GABARAP: variants seen among roughly 807,000 people sequenced by gnomAD.
The protein encoded by GABARAP is gamma-aminobutyric acid receptor-associated protein.
A neutral mutation model predicts 16.7 loss-of-function variants in GABARAP; 5 were observed. The observed-to-expected ratio is 0.30, with a 90% CI of 0.16 to 0.63. GABARAP has a LOEUF of 0.63. Among genes scored for constraint, GABARAP ranks in the 20% least tolerant of loss-of-function variants. The pLI is 0.82. For synonymous variants in GABARAP, 45 were observed against 52.7 expected, an observed-to-expected ratio of 0.85 and a Z score of 0.64; for missense variants, 84 against 146.6, an observed-to-expected ratio of 0.57 and a Z score of 2.21.
rs2071766458 is a variant in GABARAP, at chr17:7,240,695, C to T, written c.*159G>A. On this transcript the variant is annotated 3_prime_UTR_variant, in exon 4 of 4. Coordinates refer to ENST00000302386, the MANE Select transcript of GABARAP (RefSeq NM_007278.2). ...ACAAGATGCCAACTCCACCATTACC[C>T]CTCCTAAGAGAGGCTGGAGAGAAAG... The T allele has an allele frequency of 1.7e-6, 1 of 605,472 alleles. No homozygotes were observed. Among genetic ancestry groups the T allele is most frequent in the East Asian group, 2.7e-5 (1 of 36,430 alleles). The allele number at this position is 605,472 out of a possible 1,614,324, so 37.5% of individuals were successfully genotyped here.
intron 1 of GABARAP, chr17:7,241,974 G>C (rs2071783110): frequency 8.4e-6 from 5 of 595,344 alleles, no homozygotes; most frequent in Non-Finnish European, 1.5e-5. Context: ...TAGCTAGCTG[G>C]GGGGATGACC....
At chr17:7,242,018 C>T (rs1270676247) in intron 1 of GABARAP, 4 of 599,720 alleles carry the variant, frequency 6.7e-6, no homozygotes, top group African/African-American at 3.7e-5. Flanking sequence ...TCTCTAAGGC[C>T]TCAAATGCTA....
rs1186724080 is a variant in GABARAP at position 7,242,186 on chromosome 17, G to T, written c.90+55C>A. ...CGCTGCCTGTCCCGATCCAAGGCCA[G>T]GCTGTGGCGTCAGCGTAAGCGTCCC... On this transcript the variant is annotated intron_variant, in intron 1 of 3. Coordinates refer to ENST00000302386, the MANE Select transcript of GABARAP (RefSeq NM_007278.2). The T allele has an allele frequency of 6.0e-6, 8 of 1,333,254 alleles. No homozygotes were observed. The African/African-American group carries it at 1.0e-4, about 17-fold the overall frequency. 82.6% of individuals were successfully genotyped at this position (1,333,254 alleles called of 1,614,324 possible).
rs184295006 is a variant in GABARAP at position 7,242,067 on chromosome 17, A to G, written c.90+174T>C. 1,099 of 612,512 alleles carry G rather than the reference A, an allele frequency of 1.8e-3. 8 individuals are homozygous for G. In the African/African-American group the frequency reaches 0.019, roughly 10 times the overall value. The allele number at this position is 612,512 out of a possible 1,614,324, so 37.9% of individuals were successfully genotyped here. A position where few individuals can be genotyped will look rare whatever the true frequency, so the allele number is the denominator to read the frequency against. ...CTGTCCACATCCCTCTCAACCCCAC[A>G]TCCACCACTACCCCACTCCTTTCAT... On this transcript the variant is annotated intron_variant, in intron 1 of 3. Transcript: ENST00000302386.
Position 7,240,293 on chromosome 17 carries a change from C to G in GABARAP, c.*561G>C, listed in dbSNP as rs1156551508. ...AAAGCCCAACATGAACAGAATAAACCAAAATATACTTCTATCCCTCCAGCT... is the reference window on the plus strand; with the variant it reads ...AAAGCCCAACATGAACAGAATAAACGAAAATATACTTCTATCCCTCCAGCT... On this transcript the variant is annotated 3_prime_UTR_variant, in exon 4 of 4. Transcript: ENST00000302386. 6.5e-6 allele frequency: 1 copy of G among 152,800 alleles called. No individual in the cohort carries two copies. The highest frequency in any genetic ancestry group is 1.5e-5 in the Non-Finnish European group (1 of 68,284). 9.5% of individuals were successfully genotyped at this position (152,800 alleles called of 1,614,324 possible).
At position 7,240,619 on chromosome 17, in the gene GABARAP, C is replaced by T; in HGVS notation, c.*235G>A. On this transcript the variant is annotated 3_prime_UTR_variant, in exon 4 of 4. Transcript: ENST00000302386. ...AGACTGACAATCAAGAAGTCTACAG[C>T]AGGATGGGAAAGGCGGGCAGAGAAA... 1 of 507,014 alleles carries T rather than the reference C, an allele frequency of 2.0e-6. No homozygotes were observed. Among genetic ancestry groups the T allele is most frequent in the African/African-American group, 2.0e-5 (1 of 51,230 alleles). 31.4% of individuals were successfully genotyped at this position (507,014 alleles called of 1,614,324 possible).
At chr17:7,242,041 C>G (rs2071783873) in intron 1 of GABARAP, 200 bp downstream of exon 1, 1 of 604,260 alleles carries the variant, frequency 1.7e-6, no homozygotes, top group Non-Finnish European at 2.9e-6. Flanking sequence ...GTTTCTCTCT[C>G]CTGTCCACAT....
Position 7,241,644 on chromosome 17 carries a change from T to A in GABARAP, c.126A>T (p.Gly42=). ...IVEKAPKARI[G]DLDKKKYLVP... ...CCAGGTATTTCTTTTTGTCCAGGTC[T>A]CCTATCCGAGCTTTGGGAGCCTTTT... Residue 42 remains glycine (G), a synonymous_variant, in exon 2 of 4, where the codon GGA becomes GGT. Transcript: ENST00000302386. 1 of 1,612,358 alleles carries A rather than the reference T, an allele frequency of 6.2e-7. No homozygotes were observed. The highest frequency in any genetic ancestry group is 2.2e-5 in the East Asian group (1 of 44,882).
chr17:7,241,068 G>A, intron 3 of GABARAP, 149 bp from the exon 4 acceptor site: 1 of 699,016 alleles, frequency 1.4e-6, no homozygotes, highest in Non-Finnish European at 2.6e-6. Context: ...AATCTCTGCA[G>A]TCCTGGGCAA....
rs759362721 is a variant in GABARAP at position 7,241,381 on chromosome 17, G to A, written c.249C>T (p.Val83=). The A allele has an allele frequency of 5.7e-6, 9 of 1,592,846 alleles. No individual in the cohort carries two copies. In the East Asian group the frequency reaches 1.6e-4, roughly 28 times the overall value. The stretch of plus-strand genomic sequence containing the variant: ...CCATTGTGGCACTGGTGGGTGGAAT[G>A]ACATTGTTGACAAAGAAAAACAAGG... ...EDALFFFVNN[V]IPPTSATMGQ... The change falls in exon 3 of 4, where the codon GTC becomes GTT. Residue 83 remains valine, a synonymous_variant. Coordinates refer to ENST00000302386, the MANE Select transcript of GABARAP (RefSeq NM_007278.2).
At position 7,242,374 on chromosome 17, in the gene GABARAP, A is replaced by C; in HGVS notation, c.-44T>G. The C allele has an allele frequency of 2.4e-6, 3 of 1,274,098 alleles. No homozygotes were observed. Among genetic ancestry groups the C allele is most frequent in the Non-Finnish European group, 1.1e-6 (1 of 904,082 alleles). The allele number at this position is 1,274,098 out of a possible 1,614,324, so 78.9% of individuals were successfully genotyped here. A position where few individuals can be genotyped will look rare whatever the true frequency, so the allele number is the denominator to read the frequency against. The stretch of plus-strand genomic sequence containing the variant: ...GGACAGGGCTGGGCTGAGGGAACCC[A>C]GGGGGGCCGGGACGGGGGGCGGCGA... On this transcript the variant is annotated 5_prime_UTR_variant, in exon 1 of 4. Coordinates refer to ENST00000302386, the MANE Select transcript of GABARAP (RefSeq NM_007278.2).
At chr17:7,242,207 G>C in intron 1 of GABARAP, 34 bp downstream of exon 1, 1 of 1,494,980 alleles carries the variant, frequency 6.7e-7, no homozygotes, top group Non-Finnish European at 9.3e-7. Flanking sequence ...CAGCGTAAGC[G>C]TCCCGCGCCC....
At position 7,240,624 on chromosome 17, in the gene GABARAP, T is replaced by C. The variant is rs191932918; in HGVS notation, c.*230A>G. ...GACAATCAAGAAGTCTACAGCAGGATGGGAAAGGCGGGCAGAGAAAGGGGA... is the reference window on the plus strand; with the variant it reads ...GACAATCAAGAAGTCTACAGCAGGACGGGAAAGGCGGGCAGAGAAAGGGGA... On this transcript the variant is annotated 3_prime_UTR_variant, in exon 4 of 4. Transcript: ENST00000302386. The C allele has an allele frequency of 1.4e-3, 724 of 512,088 alleles. 3 individuals carry two copies. Among genetic ancestry groups the C allele is most frequent in the African/African-American group, 0.013 (668 of 51,326 alleles). The allele number at this position is 512,088 out of a possible 1,614,324, so 31.7% of individuals were successfully genotyped here.
intron 1 of GABARAP, chr17:7,242,011 C>CT: frequency 1.7e-6 from 1 of 600,108 alleles, no homozygotes. Context: ...GTCAAACTCT[C>CT]TAAGGCCTCA....
chr17:7,240,669 T>TA lies in GABARAP; in HGVS notation c.*184dup. 1 of 572,658 alleles carries TA rather than the reference T, an allele frequency of 1.7e-6. No homozygotes were observed. Among genetic ancestry groups the TA allele is most frequent in the Non-Finnish European group, 3.1e-6 (1 of 320,336 alleles). The allele number at this position is 572,658 out of a possible 1,614,324, so 35.5% of individuals were successfully genotyped here. ...AGGGGAAGAAAGGAGAAAGGAGAGT[T>TA]ACAAGATGCCAACTCCACCATTACC... On this transcript the variant is annotated 3_prime_UTR_variant, in exon 4 of 4. Transcript: ENST00000302386.
In GABARAP at chr17:7,242,353, AGG is replaced by A; in HGVS notation, c.-25_-24del. 2 of 1,559,526 alleles carry A rather than the reference AGG, an allele frequency of 1.3e-6. No homozygotes were observed. Among genetic ancestry groups the A allele is most frequent in the Non-Finnish European group, 1.8e-6 (2 of 1,140,670 alleles). On this transcript the variant is annotated 5_prime_UTR_variant, in exon 1 of 4. Coordinates refer to ENST00000302386, the MANE Select transcript of GABARAP (RefSeq NM_007278.2). ...CATCCTCCCGGGAACCGGGCTGGAC[AGG>A]GCTGGGCTGAGGGAACCCAGGGGGG...
rs1172508692 is a variant in GABARAP, at chr17:7,242,357, C to G, written c.-27G>C. ...CTCCCGGGAACCGGGCTGGACAGGG[C>G]TGGGCTGAGGGAACCCAGGGGGGCC... On this transcript the variant is annotated 5_prime_UTR_variant, in exon 1 of 4. Coordinates refer to ENST00000302386, the MANE Select transcript of GABARAP (RefSeq NM_007278.2). The G allele has an allele frequency of 1.9e-6, 3 of 1,581,818 alleles. No individual in the cohort carries two copies. The highest frequency in any genetic ancestry group is 3.3e-5 in the Admixed American group (2 of 59,770).
chr17:7,241,471 T>C lies in GABARAP; in HGVS notation c.170-11A>G, dbSNP rs201573431. 10 of 1,449,278 alleles carry C rather than the reference T, an allele frequency of 6.9e-6. No homozygotes were observed. Among genetic ancestry groups the C allele is most frequent in the African/African-American group, 2.8e-5 (2 of 71,730 alleles). The allele number at this position is 1,449,278 out of a possible 1,614,324, so 89.8% of individuals were successfully genotyped here. On this transcript the variant is annotated splice_polypyrimidine_tract_variant and intron_variant, in intron 2 of 3. Transcript: ENST00000302386. Reference sequence around the variant, plus strand: ...AGTAGAACTGACCAACTGCAAAAGATACAAGATGCAAGAAAGTCACAGAGG... The same window carrying C: ...AGTAGAACTGACCAACTGCAAAAGACACAAGATGCAAGAAAGTCACAGAGG...
At chr17:7,241,871 A>G in intron 1 of GABARAP, 192 bp from the exon 2 acceptor site, 1 of 605,956 alleles carries the variant, frequency 1.7e-6, no homozygotes, top group Non-Finnish European at 2.9e-6. Context: ...AATATCCAGG[A>G]TCCATCCCCC....
Sources: gnomAD v4.1 joint callset for allele counts on GRCh38, gnomAD v4.1.1 for gene constraint, MANE v1.5 for transcripts, NCBI Gene and HGNC (gene_info 2026-07-23, HGNC 2026-07-21) for gene names.